Variants in ENOX1 observed in about 807,000 individuals in gnomAD.
ENOX1 encodes candidate growth-related and time keeping constitutive hydroquinone (NADH) oxidase.
ENOX1 carries 42 observed loss-of-function variants against 82.5 expected under a neutral mutation model. The ratio of observed to expected loss-of-function variants is 0.51; its 90% CI spans 0.40 to 0.66. ENOX1 has a LOEUF of 0.66. Ranked by LOEUF, ENOX1 falls within the 30% of genes least tolerant of loss-of-function variation. The pLI, the probability that ENOX1 is intolerant of heterozygous loss-of-function variation, is 0.00. For missense variants in ENOX1, 608 were observed against 811.6 expected (o/e 0.75, Z 3.05); for synonymous variants, 271 against 282.2 (o/e 0.96, Z 0.40).
chr13:43,286,206 T>C (rs1166363657), intron 12 of ENOX1, among the ~76,000 whole-genome samples: 1 of 152,146 alleles, frequency 6.6e-6, no homozygotes, highest in Non-Finnish European at 1.5e-5. Flanking sequence ...CATTTTAGTG[T>C]CCATAGCTGG....
At chr13:43,573,840 T>A (rs2080294299) in intron 2 of ENOX1, among the ~76,000 whole-genome samples, 1 of 152,152 alleles carries the variant, frequency 6.6e-6, no homozygotes. Flanking sequence ...GTTTGAGGAG[T>A]TCACAGACTT....
At chr13:43,479,122 C>T (rs993958328) in intron 3 of ENOX1, among the ~76,000 whole-genome samples, 1 of 152,076 alleles carries the variant, frequency 6.6e-6, no homozygotes, top group African/African-American at 2.4e-5. Context: ...GTGTTGGCAA[C>T]AGTAAGTAAG....
intron 1 of ENOX1, among the ~76,000 whole-genome samples, chr13:43,767,411 C>A (rs779070439): frequency 6.6e-6 from 1 of 152,144 alleles, no homozygotes; most frequent in African/African-American, 2.4e-5. Context: ...ATGCAGGGAG[C>A]CAAACTTTAT....
chr13:43,696,891 A>T (rs1251718337), intron 1 of ENOX1, among the ~76,000 whole-genome samples: 1 of 151,802 alleles, frequency 6.6e-6, no homozygotes, highest in Admixed American at 6.6e-5. Context: ...TGGCTCTTGA[A>T]GGATAAAAAT....
intron 1 of ENOX1, among the ~76,000 whole-genome samples, chr13:43,691,529 C>T (rs2086364101): frequency 6.6e-6 from 1 of 152,044 alleles, no homozygotes; most frequent in African/African-American, 2.4e-5. Context: ...TGACTTCTGT[C>T]ACACATTTCA....
At chr13:43,453,000 TAGAA>T (rs778699120) in intron 3 of ENOX1, among the ~76,000 whole-genome samples, 2 of 152,200 alleles carry the variant, frequency 1.3e-5, no homozygotes, top group African/African-American at 2.4e-5. Context: ...CCTGATTAAA[TAGAA>T]AGAAACCTGA....
intron 11 of ENOX1, among the ~76,000 whole-genome samples, chr13:43,316,000 C>T (rs957863316): frequency 5.9e-5 from 9 of 152,320 alleles, no homozygotes; most frequent in Admixed American, 2.6e-4. Flanking sequence ...CCTGGTCATG[C>T]GTCTTAACCT....
intron 3 of ENOX1, among the ~76,000 whole-genome samples, chr13:43,470,365 CGTAT>C (rs2057994192): frequency 3.7e-5 from 1 of 27,356 alleles, no homozygotes; most frequent in Admixed American, 4.8e-4. Context: ...TATATATATA[CGTAT>C]ATATATACAT....
intron 5 of ENOX1, among the ~76,000 whole-genome samples, chr13:43,373,558 T>C (rs1023489943): frequency 6.6e-6 from 1 of 152,190 alleles, no homozygotes; most frequent in South Asian, 2.1e-4. Context: ...ATTATGTCTA[T>C]TTTGAGCTTT....
chr13:43,750,945 G>A (rs1419342728), intron 1 of ENOX1, among the ~76,000 whole-genome samples: 1 of 152,192 alleles, frequency 6.6e-6, no homozygotes, highest in African/African-American at 2.4e-5. Flanking sequence ...AACGTGGCCT[G>A]TTACTCCTCA....
intron 5 of ENOX1, among the ~76,000 whole-genome samples, chr13:43,407,948 T>C (rs1444201245): frequency 6.6e-6 from 1 of 152,210 alleles, no homozygotes; most frequent in Non-Finnish European, 1.5e-5. Context: ...GTAAGTATCA[T>C]CTCACAGAAC....
intron 3 of ENOX1, among the ~76,000 whole-genome samples, chr13:43,433,706 T>C (rs1478364658): frequency 6.6e-6 from 1 of 152,226 alleles, no homozygotes; most frequent in Non-Finnish European, 1.5e-5. Flanking sequence ...TTGTTCCTTT[T>C]TTATTCCAAA....
intron 1 of ENOX1, among the ~76,000 whole-genome samples, chr13:43,719,124 C>T (rs768301238): frequency 3.2e-4 from 49 of 152,146 alleles, no homozygotes; most frequent in Middle Eastern, 6.8e-3. Context: ...ATTTTAATTC[C>T]CACTGGCAAC....
At chr13:43,755,844 C>T (rs911809200) in intron 1 of ENOX1, among the ~76,000 whole-genome samples, 1 of 152,314 alleles carries the variant, frequency 6.6e-6, no homozygotes, top group East Asian at 1.9e-4. Flanking sequence ...GATAATTGGA[C>T]CTTAAGCCAA....
At chr13:43,226,166 C>G (rs1488517576) in intron 15 of ENOX1, among the ~76,000 whole-genome samples, 2 of 152,068 alleles carry the variant, frequency 1.3e-5, no homozygotes, top group Non-Finnish European at 2.9e-5. Context: ...CTAAGTAATT[C>G]TATTACTAAT....
Position 43,345,331 on chromosome 13 carries a change from T to C in ENOX1, c.824-581A>G, listed in dbSNP as rs571587038. ...TAATTCCATTTTAGGGCTAATACCA[T>C]ATATTTAATTAGGCTGAAAAATAGA... On this transcript the variant is annotated intron_variant, in intron 8 of 16. Coordinates refer to ENST00000690772, the MANE Select transcript of ENOX1 (RefSeq NM_001347969.2). Among the ~76,000 whole-genome samples, 11 of 152,356 alleles carry C rather than the reference T, an allele frequency of 7.2e-5. No individual in the cohort carries two copies. The East Asian group carries it at 2.1e-3, about 29-fold the overall frequency.
At chr13:43,479,735 A>G (rs2058435107) in intron 3 of ENOX1, among the ~76,000 whole-genome samples, 1 of 152,166 alleles carries the variant, frequency 6.6e-6, no homozygotes, top group African/African-American at 2.4e-5. Flanking sequence ...AGGGGGCTAC[A>G]CCCAGCTCCA....
At chr13:43,571,234 G>C (rs17577295) in intron 2 of ENOX1, among the ~76,000 whole-genome samples, 8,405 of 152,220 alleles carry the variant, frequency 0.055, 320 homozygotes, top group Middle Eastern at 0.095. Flanking sequence ...TTAAGTCCAA[G>C]TGGTCACAGA....
In ENOX1 at chr13:43,261,170, T is replaced by C. The variant is rs80199971; in HGVS notation, c.1611+4228A>G. On this transcript the variant is annotated intron_variant, in intron 14 of 16. Transcript: ENST00000690772. ...CATGCTGGACAATGTGTTGGTCAGATCCTGGTGGTACACAGTAGAACGTAA... is the reference window on the plus strand; with the variant it reads ...CATGCTGGACAATGTGTTGGTCAGACCCTGGTGGTACACAGTAGAACGTAA... Among the ~76,000 whole-genome samples the C allele has an allele frequency of 1.7e-3, 266 of 152,332 alleles. 1 individual carries two copies. Among genetic ancestry groups the C allele is most frequent in the African/African-American group, 6.2e-3 (258 of 41,576 alleles).
Sources: gnomAD v4.1 joint callset for allele counts (sites outside exome capture counted in the v4.1 genomes callset) on GRCh38, gnomAD v4.1.1 for gene constraint, MANE v1.5 for transcripts, NCBI Gene and HGNC (gene_info 2026-07-23, HGNC 2026-07-21) for gene names.